The following PCDHA2 variants were observed in gnomAD, a reference collection of about 807,000 sequenced individuals.
The protein encoded by PCDHA2 is protocadherin alpha 2.
Under a neutral mutation model 66.0 loss-of-function variants are expected in PCDHA2, and 58 were observed. That is an observed-to-expected ratio of 0.88 (90% confidence interval 0.71 to 1.09). The LOEUF (loss-of-function observed/expected upper bound fraction) is 1.09. PCDHA2 is among the 50% of genes least tolerant of loss of function. The probability of loss-of-function intolerance (pLI) is 0.00; values close to 1 mark genes in which losing one functional copy is unlikely to be tolerated. For synonymous variants in PCDHA2, 634 were observed against 554.0 expected, an observed-to-expected ratio of 1.14 and a Z score of -2.03; for missense variants, 1,267 against 1,242.3, an observed-to-expected ratio of 1.02 and a Z score of -0.30.
intron 1 of PCDHA2, among the ~76,000 whole-genome samples, chr5:140,878,476 A>G (rs1037108551): frequency 6.6e-6 from 1 of 152,204 alleles, no homozygotes; most frequent in Admixed American, 6.5e-5. Flanking sequence ...TCATTTCTCA[A>G]TTTAAAAATA....
At chr5:140,836,841 G>A in intron 1 of PCDHA2, 1 of 836,020 alleles carries the variant, frequency 1.2e-6, no homozygotes, top group South Asian at 2.1e-5. Context: ...ATAGCTTTAT[G>A]TATAATTATT....
intron 1 of PCDHA2, among the ~76,000 whole-genome samples, chr5:140,903,353 G>C (rs782739410): frequency 6.6e-5 from 10 of 152,156 alleles, no homozygotes; most frequent in Non-Finnish European, 1.3e-4. Context: ...TAAAAAACAA[G>C]TTTTTCAAAA....
chr5:140,978,246 C>T (rs1243560833), intron 1 of PCDHA2, among the ~76,000 whole-genome samples: 1 of 152,148 alleles, frequency 6.6e-6, no homozygotes, highest in Non-Finnish European at 1.5e-5. Flanking sequence ...TCAGCTACTC[C>T]CTGTTAAACA....
intron 1 of PCDHA2, among the ~76,000 whole-genome samples, chr5:140,942,781 A>G (rs1554215214): frequency 6.6e-6 from 1 of 152,214 alleles, no homozygotes; most frequent in Admixed American, 6.5e-5. Context: ...TTTAGGCAGA[A>G]TATTACAAAG....
At chr5:140,828,085 A>G in intron 1 of PCDHA2, 1 of 1,590,816 alleles carries the variant, frequency 6.3e-7, no homozygotes, top group East Asian at 2.2e-5. Context: ...AACCAGAGGT[A>G]TTTGACATGG....
chr5:140,797,323 C>T lies in PCDHA2; in HGVS notation c.2359C>T (p.Gln787Ter), dbSNP rs781921851. 3.1e-6 allele frequency: 5 copies of T among 1,614,086 alleles called. No individual in the cohort carries two copies. The African/African-American group carries it at 4.0e-5, about 13-fold the overall frequency. Residue 787 changes from glutamine to a stop codon, truncating the protein, a stop_gained, in exon 1 of 4, where the codon CAG becomes TAG. Coordinates refer to ENST00000526136, the MANE Select transcript of PCDHA2 (RefSeq NM_018905.3). LOFTEE classifies it high-confidence loss of function. ...AGGTCCAGACTCCGCAGAAGAGAAA[C>T]AGCTCTCAGAATCAGAATACGTAGG... ...SQGPDSAEEK[Q>*]LSESEYVGKP... is the part of the protein sequence containing the mutation.
rs2150489798 is a variant in PCDHA2, at chr5:140,850,571, G to T, written c.2388+53219G>T. 5 of 1,598,430 alleles carry T rather than the reference G, an allele frequency of 3.1e-6. No individual in the cohort carries two copies. In the East Asian group the frequency reaches 1.1e-4, roughly 36 times the overall value. ...TGGGTGCCACGGGCCCCGAGGTGAC[G>T]CTGGTGGATGTCAACGTGTACCTGA... On this transcript the variant is annotated intron_variant, in intron 1 of 3. Coordinates refer to ENST00000526136, the MANE Select transcript of PCDHA2 (RefSeq NM_018905.3).
At chr5:140,892,896 C>T (rs1489868294) in intron 1 of PCDHA2, among the ~76,000 whole-genome samples, 1 of 152,112 alleles carries the variant, frequency 6.6e-6, no homozygotes, top group Non-Finnish European at 1.5e-5. Flanking sequence ...CCAACCTTTC[C>T]CCATCCTCCT....
intron 1 of PCDHA2, among the ~76,000 whole-genome samples, chr5:140,972,181 AC>A: frequency 6.6e-6 from 1 of 152,234 alleles, no homozygotes; most frequent in Admixed American, 6.5e-5. Flanking sequence ...TTGGCCTGTC[AC>A]CCAGGCTGGA....
Position 140,796,672 on chromosome 5 carries a change from G to C in PCDHA2, c.1708G>C (p.Ala570Pro). The C allele has an allele frequency of 6.2e-7, 1 of 1,613,884 alleles. No homozygotes were observed. Among genetic ancestry groups the C allele is most frequent in the South Asian group, 1.1e-5 (1 of 91,062 alleles). Residue 570 changes from alanine to proline, a missense_variant, in exon 1 of 4, where the codon GCT becomes CCT. Physicochemically the swap from Ala to Pro is conservative, Grantham distance 27. Transcript: ENST00000526136. Reference sequence around the variant, plus strand: ...CGCGCCGGCACTGTTGGCGCCTAGGGCTGGCACCGCTGCTGGCGCAGTGAG... The same window carrying C: ...CGCGCCGGCACTGTTGGCGCCTAGGCCTGGCACCGCTGCTGGCGCAGTGAG... ...DNAPALLAPR[A>P]GTAAGAVSEL...
intron 1 of PCDHA2, among the ~76,000 whole-genome samples, chr5:140,892,835 A>G (rs2063695508): frequency 6.6e-6 from 1 of 152,200 alleles, no homozygotes. Context: ...ACAGTGCTGC[A>G]AAACACCACA....
intron 1 of PCDHA2, among the ~76,000 whole-genome samples, chr5:140,902,795 A>G (rs555172255): frequency 6.8e-4 from 103 of 151,862 alleles, no homozygotes; most frequent in African/African-American, 2.3e-3. Context: ...TCTCACTTGT[A>G]TGTGAGAATA....
At chr5:140,921,615 C>A (rs977929420) in intron 1 of PCDHA2, among the ~76,000 whole-genome samples, 13 of 152,090 alleles carry the variant, frequency 8.5e-5, no homozygotes, top group Non-Finnish European at 1.5e-4. Flanking sequence ...AGAAAAATAT[C>A]ATCAGATCAT....
At position 140,829,130 on chromosome 5, in the gene PCDHA2, G is replaced by T. The variant is rs2150162751; in HGVS notation, c.2388+31778G>T. 5 of 1,612,440 alleles carry T rather than the reference G, an allele frequency of 3.1e-6. No homozygotes were observed. The African/African-American group carries it at 6.7e-5, about 22-fold the overall frequency. On this transcript the variant is annotated intron_variant, in intron 1 of 3. Transcript: ENST00000526136. ...GAGAATTTTGGATAAAAATGATAAC[G>T]TCCCTGAGATAGCACTGACTTCCTT...
intron 3 of PCDHA2, among the ~76,000 whole-genome samples, chr5:140,995,578 T>C (rs1554254730): frequency 1.3e-5 from 2 of 152,256 alleles, no homozygotes; most frequent in African/African-American, 4.8e-5. Flanking sequence ...AGATGAGCTA[T>C]GAGCTTTTAA....
At chr5:141,005,479 G>A (rs371636060) in intron 3 of PCDHA2, among the ~76,000 whole-genome samples, 43 of 151,818 alleles carry the variant, frequency 2.8e-4, no homozygotes, top group Non-Finnish European at 2.6e-4. Context: ...CGAGACGGGC[G>A]GATCATGAGG....
At chr5:140,829,701 C>G in intron 1 of PCDHA2, 1 of 1,613,356 alleles carries the variant, frequency 6.2e-7, no homozygotes, top group East Asian at 2.2e-5. Context: ...CAGGTGAGCG[C>G]GCGCGACGCG....
chr5:140,803,257 C>G (rs782417260), intron 1 of PCDHA2: 1 of 1,613,906 alleles, frequency 6.2e-7, no homozygotes, highest in South Asian at 1.1e-5. Context: ...GCTGGCGCCA[C>G]GGGCCCGGAA....
intron 1 of PCDHA2, among the ~76,000 whole-genome samples, chr5:140,798,031 A>G (rs532072029): frequency 1.3e-5 from 2 of 151,862 alleles, no homozygotes; most frequent in East Asian, 3.9e-4. Flanking sequence ...TTCTTTTTTA[A>G]ATTTTTTATT....
Sources: allele counts gnomAD v4.1 joint callset (sites outside exome capture counted in the v4.1 genomes callset), GRCh38; gene constraint gnomAD v4.1.1; transcripts MANE v1.5; gene names NCBI Gene and HGNC (gene_info 2026-07-23, HGNC 2026-07-21).